NOSIP: variants seen among roughly 807,000 people sequenced by gnomAD.
NOSIP encodes nitric oxide synthase interacting protein, also known as nitric oxide synthase-interacting protein.
A neutral mutation model predicts 36.4 loss-of-function variants in NOSIP; 25 were observed. That is an observed-to-expected ratio of 0.69 (90% CI 0.50 to 0.96). The LOEUF is 0.96. Among genes scored for constraint, NOSIP ranks in the 40% least tolerant of loss-of-function variants. The pLI is 0.00. For synonymous variants in NOSIP, 187 were observed against 179.2 expected, an observed-to-expected ratio of 1.04 and a Z score of -0.35; for missense variants, 370 against 429.0, an observed-to-expected ratio of 0.86 and a Z score of 1.21.
chr19:49,573,732 A>G (rs931595626), intron 1 of NOSIP, among the ~76,000 whole-genome samples: 3 of 152,174 alleles, frequency 2.0e-5, no homozygotes, highest in African/African-American at 7.2e-5. Context: ...CACTTTCCAC[A>G]TGTGAACACA....
chr19:49,556,537 C>T lies in NOSIP; in HGVS notation c.725+12G>A. On this transcript the variant is annotated intron_variant, in intron 7 of 8. Transcript: ENST00000596358. The stretch of plus-strand genomic sequence containing the variant: ...CCGAGTGGTCCCTTCCCTCCCCTCC[C>T]AGGTGACTCACGAGGGCCGCAGCAC... 6.2e-7 allele frequency: 1 copy of T among 1,604,164 alleles called. No individual in the cohort carries two copies. The highest frequency in any genetic ancestry group is 8.5e-7 in the Non-Finnish European group (1 of 1,177,150).
chr19:49,557,286 G>A, intron 4 of NOSIP, 37 bp from the exon 5 acceptor site: 2 of 1,536,348 alleles, frequency 1.3e-6, no homozygotes, highest in Non-Finnish European at 1.8e-6. Context: ...TCTGCCCGTG[G>A]GGCTGGGGGT....
Position 49,560,478 on chromosome 19 carries a change from C to T in NOSIP, c.70+144G>A. ...CACATGGGGTCATGGGATCACCCAG[C>T]TGTTGTTTACATGGTCATGGCCATC... On this transcript the variant is annotated intron_variant, in intron 2 of 8. Transcript: ENST00000596358. The surrounding 1 kb of genome is among the most constrained non-coding windows in gnomAD (Gnocchi z 4.6). 1 of 662,092 alleles carries T rather than the reference C, an allele frequency of 1.5e-6. No individual in the cohort carries two copies. Among genetic ancestry groups the T allele is most frequent in the African/African-American group, 1.8e-5 (1 of 56,410 alleles). 41.0% of individuals were successfully genotyped at this position (662,092 alleles called of 1,614,324 possible).
chr19:49,571,468 C>T (rs2080483380), intron 1 of NOSIP, among the ~76,000 whole-genome samples: 1 of 152,150 alleles, frequency 6.6e-6, no homozygotes, highest in African/African-American at 2.4e-5. Flanking sequence ...AAGCAGACTG[C>T]TGCCATCTGC....
chr19:49,555,771 G>T lies in NOSIP; in HGVS notation c.886C>A (p.Arg296=). Residue 296 remains arginine (R), a synonymous_variant, in exon 9 of 9, where the codon CGG becomes AGG. Coordinates refer to ENST00000596358, the MANE Select transcript of NOSIP (RefSeq NM_001270960.2). ...SGVKLQAEKS[R]PVMQA ...CACACTCAGGCCTGCATCACCGGCC[G>T]TGATTTCTCCGCTTGCAGCTTCACT... The T allele has an allele frequency of 1.2e-6, 2 of 1,613,562 alleles. No individual in the cohort carries two copies. Among genetic ancestry groups the T allele is most frequent in the Non-Finnish European group, 1.7e-6 (2 of 1,179,800 alleles).
At chr19:49,577,803 A>G (rs1252973742) in intron 1 of NOSIP, among the ~76,000 whole-genome samples, 1 of 149,976 alleles carries the variant, frequency 6.7e-6, no homozygotes, top group Non-Finnish European at 1.5e-5. Context: ...GATACATGCC[A>G]CAACATAGGT....
At chr19:49,556,170 C>CA in intron 8 of NOSIP, 147 bp downstream of exon 8, 2 of 227,150 alleles carry the variant, frequency 8.8e-6, no homozygotes, top group Non-Finnish European at 1.5e-5. Context: ...CAGGAGAAAG[C>CA]GGGGGGGGGG....
chr19:49,561,154 A>C (rs1417265225), intron 1 of NOSIP, among the ~76,000 whole-genome samples: 1 of 152,284 alleles, frequency 6.6e-6, no homozygotes, highest in East Asian at 1.9e-4. Context: ...AAGGCTGGGC[A>C]CTTAGCTAAG....
intron 1 of NOSIP, among the ~76,000 whole-genome samples, chr19:49,565,818 T>G (rs2122831457): frequency 6.6e-6 from 1 of 151,820 alleles, no homozygotes; most frequent in South Asian, 2.1e-4. Flanking sequence ...CACTCCATCT[T>G]GGACATCATT....
intron 1 of NOSIP, among the ~76,000 whole-genome samples, chr19:49,576,660 G>A (rs890330102): frequency 2.0e-5 from 3 of 151,662 alleles, no homozygotes; most frequent in Non-Finnish European, 4.4e-5. Context: ...CGAGGTGGGC[G>A]GATCACCTGA....
intron 1 of NOSIP, among the ~76,000 whole-genome samples, chr19:49,570,093 A>G (rs753088731): frequency 1.4e-5 from 2 of 146,850 alleles, no homozygotes; most frequent in African/African-American, 5.4e-5. Context: ...TGGGTGACAG[A>G]CACTCATCTC....
chr19:49,565,502 A>C (rs879450281), intron 1 of NOSIP, among the ~76,000 whole-genome samples: 2 of 152,084 alleles, frequency 1.3e-5, no homozygotes, highest in Non-Finnish European at 2.9e-5. Flanking sequence ...TAATCTCAGC[A>C]CTTCGGGAGG....
Sources: allele counts gnomAD v4.1 joint callset (sites outside exome capture counted in the v4.1 genomes callset), GRCh38; gene constraint gnomAD v4.1.1; non-coding constraint Gnocchi (gnomAD v3.1); transcripts MANE v1.5; gene names NCBI Gene and HGNC (gene_info 2026-07-23, HGNC 2026-07-21).